COL25A1: variants seen among roughly 807,000 people sequenced by gnomAD.
COL25A1 encodes collagen type XXV alpha 1 chain.
COL25A1 carries 103 observed loss-of-function variants against 128.4 expected under a neutral mutation model. The ratio of observed to expected loss-of-function variants is 0.80; its 90% CI spans 0.68 to 0.94. The LOEUF (loss-of-function observed/expected upper bound fraction) is 0.94, where lower values mean the gene tolerates loss of function less well. Among genes scored for constraint, COL25A1 ranks in the 40% least tolerant of loss-of-function variants. COL25A1 has a pLI of 0.00. For synonymous variants in COL25A1, 279 were observed against 277.2 expected, an observed-to-expected ratio of 1.01 and a Z score of -0.06; for missense variants, 745 against 840.0, an observed-to-expected ratio of 0.89 and a Z score of 1.40.
intron 5 of COL25A1, among the ~76,000 whole-genome samples, chr4:109,025,248 T>A (rs955046289): frequency 6.6e-6 from 1 of 152,172 alleles, no homozygotes; most frequent in South Asian, 2.1e-4. Context: ...ATATATGAAG[T>A]ACCTCTGAAA....
intron 26 of COL25A1, among the ~76,000 whole-genome samples, chr4:108,849,294 G>C (rs926909787): frequency 1.3e-5 from 2 of 152,200 alleles, no homozygotes; most frequent in African/African-American, 4.8e-5. Flanking sequence ...CAAACAGTTA[G>C]TTACAAATTC....
Position 109,154,425 on chromosome 4 carries a change from C to G in COL25A1, c.368-104246G>C, listed in dbSNP as rs181630964. Among the ~76,000 whole-genome samples, 3 of 152,310 alleles carry G rather than the reference C, an allele frequency of 2.0e-5. No individual in the cohort carries two copies. The East Asian group carries it at 5.8e-4, about 29-fold the overall frequency. On this transcript the variant is annotated intron_variant, in intron 3 of 37. Coordinates refer to ENST00000399132, the MANE Select transcript of COL25A1 (RefSeq NM_198721.4). ...TGTCTTAAAATCTCTCTTTCTCACA[C>G]ACAAACACACACATGCACAAAAACA...
At chr4:109,140,370 C>T (rs1770276020) in intron 3 of COL25A1, among the ~76,000 whole-genome samples, 1 of 152,162 alleles carries the variant, frequency 6.6e-6, no homozygotes, top group African/African-American at 2.4e-5. Flanking sequence ...AGTGTGATGC[C>T]TCCAGCTTTG....
chr4:108,834,004 C>T (rs982931973), intron 31 of COL25A1, among the ~76,000 whole-genome samples: 2 of 152,202 alleles, frequency 1.3e-5, no homozygotes, highest in Non-Finnish European at 2.9e-5. Flanking sequence ...GGGCCGCTCT[C>T]ATGGAATTGT....
At chr4:109,069,171 C>CA (rs911083852) in intron 3 of COL25A1, among the ~76,000 whole-genome samples, 15 of 144,752 alleles carry the variant, frequency 1.0e-4, no homozygotes, top group East Asian at 4.0e-4. Context: ...GCAGACTTGC[C>CA]AAAAAAAAGG....
chr4:108,848,115 TA>T (rs910308884), intron 27 of COL25A1, among the ~76,000 whole-genome samples: 4 of 151,588 alleles, frequency 2.6e-5, no homozygotes, highest in Admixed American at 6.6e-5. Flanking sequence ...AGAGTGAATT[TA>T]AAAAAAAATT....
At chr4:109,281,182 A>G (rs952746093) in intron 3 of COL25A1, among the ~76,000 whole-genome samples, 1 of 152,198 alleles carries the variant, frequency 6.6e-6, no homozygotes, top group Admixed American at 6.5e-5. Flanking sequence ...AGCAATATAT[A>G]TATTAGTTAC....
At chr4:108,881,748 G>A (rs961243903) in intron 19 of COL25A1, among the ~76,000 whole-genome samples, 2 of 152,156 alleles carry the variant, frequency 1.3e-5, no homozygotes, top group South Asian at 2.1e-4. Context: ...TAGTTGTGAC[G>A]TATCTTTAAA....
chr4:109,220,224 T>C (rs952155268), intron 3 of COL25A1, among the ~76,000 whole-genome samples: 11 of 152,218 alleles, frequency 7.2e-5, no homozygotes, highest in Admixed American at 3.9e-4. Context: ...ACTGTGGTTC[T>C]TTTATTGGTT....
intron 5 of COL25A1, among the ~76,000 whole-genome samples, chr4:109,017,956 G>T (rs931123612): frequency 2.6e-5 from 4 of 151,750 alleles, no homozygotes; most frequent in African/African-American, 9.7e-5. Context: ...TGGATTCCTT[G>T]CCATCTAAAA....
intron 3 of COL25A1, among the ~76,000 whole-genome samples, chr4:109,245,638 T>C (rs753958461): frequency 2.6e-5 from 4 of 152,054 alleles, no homozygotes; most frequent in African/African-American, 7.2e-5. Context: ...GGTTCATGAG[T>C]ACAGCGGCAG....
At chr4:108,979,562 T>C (rs538063694) in intron 6 of COL25A1, among the ~76,000 whole-genome samples, 56 of 152,106 alleles carry the variant, frequency 3.7e-4, no homozygotes, top group African/African-American at 1.3e-3. Context: ...CTGCTTGGGG[T>C]AGAAAAAAGT....
chr4:109,287,090 A>C (rs1723962894), intron 3 of COL25A1, among the ~76,000 whole-genome samples: 1 of 152,186 alleles, frequency 6.6e-6, no homozygotes, highest in South Asian at 2.1e-4. Flanking sequence ...CTCTGATAAC[A>C]TGTTACTATT....
chr4:109,151,781 G>A (rs938827504), intron 3 of COL25A1, among the ~76,000 whole-genome samples: 1 of 152,084 alleles, frequency 6.6e-6, no homozygotes, highest in Non-Finnish European at 1.5e-5. Context: ...AAGATTCTCT[G>A]AATATATGAC....
intron 3 of COL25A1, among the ~76,000 whole-genome samples, chr4:109,078,638 T>G (rs543098612): frequency 5.9e-5 from 9 of 152,284 alleles, no homozygotes; most frequent in African/African-American, 2.2e-4. Context: ...CCCATCCAAA[T>G]GTTTAAATAG....
intron 5 of COL25A1, among the ~76,000 whole-genome samples, chr4:109,025,887 A>T (rs1204160382): frequency 6.6e-6 from 1 of 152,130 alleles, no homozygotes; most frequent in Non-Finnish European, 1.5e-5. Flanking sequence ...ACGTTTCCTT[A>T]GTCAAACAGC....
Position 109,250,010 on chromosome 4 carries a change from T to G in COL25A1, c.367+50573A>C, listed in dbSNP as rs562334421. On this transcript the variant is annotated intron_variant, in intron 3 of 37. Transcript: ENST00000399132. ...GAAAGATAGGAATCAAAACCCACTTTTTTTGTAGAGGAGATGGGCAACCAG... is the reference window on the plus strand; with the variant it reads ...GAAAGATAGGAATCAAAACCCACTTGTTTTGTAGAGGAGATGGGCAACCAG... Among the ~76,000 whole-genome samples the G allele has an allele frequency of 7.2e-5, 11 of 152,284 alleles. No homozygotes were observed. The Middle Eastern group carries it at 0.017, about 235-fold the overall frequency.
chr4:109,153,265 A>T (rs879523238), intron 3 of COL25A1, among the ~76,000 whole-genome samples: 2 of 151,682 alleles, frequency 1.3e-5, no homozygotes, highest in African/African-American at 2.4e-5. Flanking sequence ...CATGCCTGTA[A>T]TCCCAGCTAC....
chr4:109,214,572 A>G (rs1777838567), intron 3 of COL25A1, among the ~76,000 whole-genome samples: 1 of 151,766 alleles, frequency 6.6e-6, no homozygotes, highest in Non-Finnish European at 1.5e-5. Flanking sequence ...TTCCTGCAAC[A>G]GTACTATGAA....
Sources: gnomAD v4.1 joint callset for allele counts (sites outside exome capture counted in the v4.1 genomes callset) on GRCh38, gnomAD v4.1.1 for gene constraint, MANE v1.5 for transcripts, NCBI Gene and HGNC (gene_info 2026-07-23, HGNC 2026-07-21) for gene names.